Variants in ACSS2 observed in about 807,000 individuals in gnomAD.
The protein encoded by ACSS2 is acetyl-coenzyme A synthetase, cytoplasmic.
A neutral mutation model predicts 90.6 loss-of-function variants in ACSS2; 58 were observed. That is an observed-to-expected ratio of 0.64 (90% CI 0.52 to 0.80). The LOEUF is 0.80. Ranked by LOEUF, ACSS2 falls within the 30% of genes least tolerant of loss-of-function variation. The probability of loss-of-function intolerance (pLI) is 0.00; values close to 1 mark genes in which losing one functional copy is unlikely to be tolerated. For synonymous variants in ACSS2, 300 were observed against 330.9 expected, an observed-to-expected ratio of 0.91 and a Z score of 1.01; for missense variants, 759 against 912.0, an observed-to-expected ratio of 0.83 and a Z score of 2.16.
intron 1 of ACSS2, among the ~76,000 whole-genome samples, chr20:34,881,159 T>C (rs900547500): frequency 2.0e-5 from 3 of 151,106 alleles, no homozygotes; most frequent in Non-Finnish European, 2.9e-5. Flanking sequence ...CCTGAGTAGC[T>C]AGGAATACAA....
At chr20:34,898,540 G>A (rs1310352290) in intron 2 of ACSS2, among the ~76,000 whole-genome samples, 2 of 151,118 alleles carry the variant, frequency 1.3e-5, no homozygotes, top group African/African-American at 2.4e-5. Context: ...ACAGAGTGCC[G>A]ATTGGTGTAT....
chr20:34,883,120 A>G (rs1420782526), intron 2 of ACSS2, 131 bp downstream of exon 2: 9 of 644,122 alleles, frequency 1.4e-5, no homozygotes, highest in South Asian at 1.3e-4. Context: ...AGGAAGCTAC[A>G]TGACTTCCTT....
At chr20:34,879,016 T>A (rs569276334) in intron 1 of ACSS2, among the ~76,000 whole-genome samples, 1 of 150,078 alleles carries the variant, frequency 6.7e-6, no homozygotes, top group Non-Finnish European at 1.5e-5. Context: ...GCCATTCTCC[T>A]GCCTCAGCCT....
chr20:34,923,801 T>TCACCCCCCCCCC (rs2081254260), intron 14 of ACSS2, among the ~76,000 whole-genome samples: 1 of 107,128 alleles, frequency 9.3e-6, no homozygotes, highest in Admixed American at 1.0e-4. Flanking sequence ...GAGGGATCTG[T>TCACCCCCCCCCC]CCCCCCCGCC....
intron 1 of ACSS2, among the ~76,000 whole-genome samples, chr20:34,878,109 A>G (rs368379196): frequency 6.6e-6 from 1 of 152,030 alleles, no homozygotes; most frequent in East Asian, 1.9e-4. Context: ...ACTTTTTTGT[A>G]TTTTTTGGAG....
intron 16 of ACSS2, 129 bp downstream of exon 16, chr20:34,926,410 G>T (rs1386409211): frequency 2.3e-6 from 2 of 855,956 alleles, no homozygotes; most frequent in East Asian, 5.3e-5. Context: ...GGCCCCATGG[G>T]CTGATTGCCC....
rs139655686 is a variant in ACSS2, at chr20:34,913,749, C to T, written c.571-4C>T. On this transcript the variant is annotated splice_region_variant and splice_polypyrimidine_tract_variant and intron_variant, in intron 4 of 17. Coordinates refer to ENST00000360596, the MANE Select transcript of ACSS2 (RefSeq NM_018677.4). ...TCTCCCTCAGACTTTCTTCCCTTCC[C>T]TAGTTTGCAGGCTTCTCTTCAGAGT... 1.9e-6 allele frequency: 3 copies of T among 1,613,936 alleles called. No homozygotes were observed. Among genetic ancestry groups the T allele is most frequent in the East Asian group, 2.2e-5 (1 of 44,888 alleles).
chr20:34,922,003 TGA>T, intron 13 of ACSS2, 137 bp downstream of exon 13: 2 of 1,475,072 alleles, frequency 1.4e-6, no homozygotes, highest in Non-Finnish European at 8.9e-7. Context: ...GTTTGCTCAC[TGA>T]GAGACCCTGG....
chr20:34,910,773 T>G (rs549195788), intron 2 of ACSS2, among the ~76,000 whole-genome samples: 3 of 152,202 alleles, frequency 2.0e-5, no homozygotes, highest in Non-Finnish European at 2.9e-5. Context: ...TTGTATGTAT[T>G]ACTTATTCAA....
In ACSS2 at chr20:34,923,438, C is replaced by T. The variant is rs2081245474; in HGVS notation, c.1657+7C>T. 2 of 1,602,920 alleles carry T rather than the reference C, an allele frequency of 1.2e-6. No homozygotes were observed. The highest frequency in any genetic ancestry group is 1.7e-6 in the Non-Finnish European group (2 of 1,170,016). On this transcript the variant is annotated splice_region_variant and intron_variant, in intron 14 of 17. Coordinates refer to ENST00000360596, the MANE Select transcript of ACSS2 (RefSeq NM_018677.4). ...TACTATGTTACAGGAGATGGTGAGC[C>T]TTAGCTATCCCCCTCTTGCACCTCC...
intron 7 of ACSS2, among the ~76,000 whole-genome samples, chr20:34,918,312 C>T (rs1367543310): frequency 6.6e-6 from 1 of 152,128 alleles, no homozygotes. Context: ...TAGGAAGTGG[C>T]AGAACTGGTA....
In ACSS2 at chr20:34,921,532, T is replaced by C; in HGVS notation, c.1411-12T>C. ...AAGATTGACTCAAATTTCTCATCTCTGACTTCCCCAGGGTGGCCACATGTT... is the reference window on the plus strand; with the variant it reads ...AAGATTGACTCAAATTTCTCATCTCCGACTTCCCCAGGGTGGCCACATGTT... On this transcript the variant is annotated splice_polypyrimidine_tract_variant and intron_variant, in intron 11 of 17. Transcript: ENST00000360596. The C allele has an allele frequency of 1.2e-6, 2 of 1,614,240 alleles. No homozygotes were observed. The highest frequency in any genetic ancestry group is 1.1e-5 in the South Asian group (1 of 91,086).
intron 1 of ACSS2, among the ~76,000 whole-genome samples, chr20:34,877,818 C>CAAAAAAAAAAAAAAAAAA (rs60819156): frequency 3.3e-5 from 3 of 91,218 alleles, no homozygotes; most frequent in African/African-American, 1.4e-4. Context: ...GACTTTGTCT[C>CAAAAAAAAAAAAAAAAAA]AAAAAAAAAA....
chr20:34,877,818 C>CAAAAAAAA (rs60819156), intron 1 of ACSS2, among the ~76,000 whole-genome samples: 1 of 91,218 alleles, frequency 1.1e-5, no homozygotes, highest in Non-Finnish European at 2.0e-5. Flanking sequence ...GACTTTGTCT[C>CAAAAAAAA]AAAAAAAAAA....
chr20:34,888,097 A>T (rs1396779177), intron 2 of ACSS2, among the ~76,000 whole-genome samples: 1 of 151,242 alleles, frequency 6.6e-6, no homozygotes, highest in Non-Finnish European at 1.5e-5. Context: ...AAAGCCTGAA[A>T]AGAATTATGG....
intron 1 of ACSS2, among the ~76,000 whole-genome samples, chr20:34,877,323 C>T (rs1199186081): frequency 6.6e-6 from 1 of 152,170 alleles, no homozygotes; most frequent in African/African-American, 2.4e-5. Context: ...GGTCTGGTTC[C>T]CATCTTGGGG....
At chr20:34,924,938 C>T (rs906612302) in intron 14 of ACSS2, among the ~76,000 whole-genome samples, 4 of 152,108 alleles carry the variant, frequency 2.6e-5, no homozygotes, top group African/African-American at 9.7e-5. Context: ...GATCCACCCA[C>T]CTTGGCCTCC....
chr20:34,888,791 G>A (rs940510479), intron 2 of ACSS2, among the ~76,000 whole-genome samples: 12 of 152,160 alleles, frequency 7.9e-5, no homozygotes, highest in Non-Finnish European at 1.6e-4. Context: ...GATAGTTGGG[G>A]TAGGGAGGGG....
chr20:34,903,159 T>A (rs1369383941), intron 2 of ACSS2, among the ~76,000 whole-genome samples: 7 of 151,886 alleles, frequency 4.6e-5, no homozygotes, highest in Non-Finnish European at 7.4e-5. Flanking sequence ...CTGGCTAACA[T>A]GGTAAAACTT....
Sources: gnomAD v4.1 joint callset for allele counts (sites outside exome capture counted in the v4.1 genomes callset) on GRCh38, gnomAD v4.1.1 for gene constraint, MANE v1.5 for transcripts, NCBI Gene and HGNC (gene_info 2026-07-23, HGNC 2026-07-21) for gene names.